Variants in ABCB10 observed in about 807,000 individuals in gnomAD.
The protein encoded by ABCB10 is ATP binding cassette subfamily B member 10.
In ABCB10, 54 loss-of-function variants were observed where a neutral mutation model predicts 65.4. The ratio of observed to expected loss-of-function variants is 0.83; its 90% CI spans 0.66 to 1.04. The LOEUF (loss-of-function observed/expected upper bound fraction) is 1.04. Ranked by LOEUF, ABCB10 falls within the 50% of genes least tolerant of loss-of-function variation. The pLI, the probability that ABCB10 is intolerant of heterozygous loss-of-function variation, is 0.00. For synonymous variants in ABCB10, 418 were observed against 406.5 expected (o/e 1.03, Z -0.34); for missense variants, 846 against 976.6 (o/e 0.87, Z 1.78).
chr1:229,533,804 A>G (rs1009999856), intron 6 of ABCB10, among the ~76,000 whole-genome samples: 1 of 152,228 alleles, frequency 6.6e-6, no homozygotes, highest in Admixed American at 6.5e-5. Context: ...TTACAGACCT[A>G]ATGTAAAACA....
intron 3 of ABCB10, among the ~76,000 whole-genome samples, chr1:229,543,425 C>G (rs1294823521): frequency 6.6e-6 from 1 of 152,204 alleles, no homozygotes; most frequent in Non-Finnish European, 1.5e-5. Context: ...TCTACCATAT[C>G]TCATTTGCAC....
intron 8 of ABCB10, among the ~76,000 whole-genome samples, chr1:229,527,703 C>T (rs10495288): frequency 0.045 from 6,847 of 152,280 alleles, 234 homozygotes; most frequent in Middle Eastern, 0.068. Context: ...GGCACGAATA[C>T]TGGCAGAGGT....
At chr1:229,531,131 T>C (rs942963226) in intron 7 of ABCB10, among the ~76,000 whole-genome samples, 4 of 152,114 alleles carry the variant, frequency 2.6e-5, no homozygotes, top group African/African-American at 9.7e-5. Flanking sequence ...GCCCTACAGC[T>C]CCAGGGAAGT....
chr1:229,525,379 G>GA (rs557328857), intron 10 of ABCB10, among the ~76,000 whole-genome samples: 2 of 151,918 alleles, frequency 1.3e-5, no homozygotes, highest in Admixed American at 6.6e-5. Context: ...TTTTTCAGAT[G>GA]AAAAAAAGCT....
chr1:229,549,189 ATCT>A, intron 2 of ABCB10, 42 bp downstream of exon 2: 3 of 1,607,832 alleles, frequency 1.9e-6, no homozygotes, highest in African/African-American at 2.7e-5. Flanking sequence ...AGGACTCTAC[ATCT>A]TCTTCAGGAT....
intron 6 of ABCB10, among the ~76,000 whole-genome samples, chr1:229,533,665 A>G (rs1347141205): frequency 6.6e-6 from 1 of 152,360 alleles, no homozygotes; most frequent in South Asian, 2.1e-4. Context: ...ACGCAATACA[A>G]TGGAGATGCA....
rs1662204425 is a variant in ABCB10 at position 229,517,572 on chromosome 1, T to C, written c.*607A>G. On this transcript the variant is annotated 3_prime_UTR_variant, in exon 13 of 13. Coordinates refer to ENST00000344517, the MANE Select transcript of ABCB10 (RefSeq NM_012089.3). ...GTTGAAAACTGCACATATTCAAACA[T>C]AGTTCCCATAGGAACACATATTCCT... 1.3e-5 allele frequency: 2 copies of C among 152,274 alleles called. No homozygotes were observed. The highest frequency in any genetic ancestry group is 2.9e-5 in the Non-Finnish European group (2 of 68,062). 9.4% of individuals were successfully genotyped at this position (152,274 alleles called of 1,614,324 possible). A position where few individuals can be genotyped will look rare whatever the true frequency, so the allele number is the denominator to read the frequency against.
Position 229,518,133 on chromosome 1 carries a change from A to G in ABCB10, c.*46T>C, listed in dbSNP as rs760380037. 2.1e-6 allele frequency: 3 copies of G among 1,426,106 alleles called. No homozygotes were observed. The highest frequency in any genetic ancestry group is 9.8e-7 in the Non-Finnish European group (1 of 1,018,874). The allele number at this position is 1,426,106 out of a possible 1,614,324, so 88.3% of individuals were successfully genotyped here. A position where few individuals can be genotyped will look rare whatever the true frequency, so the allele number is the denominator to read the frequency against. On this transcript the variant is annotated 3_prime_UTR_variant, in exon 13 of 13. Coordinates refer to ENST00000344517, the MANE Select transcript of ABCB10 (RefSeq NM_012089.3). ...AGTCTCTGAGTTTTTTTTCTGCAAC[A>G]CTGTTTTGCATTAAAGTCTCATATT...
intron 3 of ABCB10, among the ~76,000 whole-genome samples, chr1:229,544,291 C>T (rs541218263): frequency 6.6e-6 from 1 of 152,096 alleles, no homozygotes; most frequent in South Asian, 2.1e-4. Flanking sequence ...GTGGCGCACG[C>T]CTGTGGTTCC....
At chr1:229,532,794 T>C (rs1042146459) in intron 6 of ABCB10, among the ~76,000 whole-genome samples, 4 of 151,952 alleles carry the variant, frequency 2.6e-5, no homozygotes, top group African/African-American at 7.3e-5. Context: ...GGCAGGAGGA[T>C]TGCTTGAGTC....
intron 1 of ABCB10, among the ~76,000 whole-genome samples, chr1:229,550,399 C>T (rs1663078235): frequency 6.6e-6 from 1 of 151,834 alleles, no homozygotes; most frequent in Admixed American, 6.6e-5. Flanking sequence ...GTAGCATGCA[C>T]CTGTAGTCCC....
At chr1:229,554,251 C>G (rs539833127) in intron 1 of ABCB10, among the ~76,000 whole-genome samples, 1 of 152,162 alleles carries the variant, frequency 6.6e-6, no homozygotes, top group East Asian at 1.9e-4. Flanking sequence ...AGGACATGAG[C>G]GGCTGACAGA....
In ABCB10 at chr1:229,517,960, A is replaced by G; in HGVS notation, c.*219T>C. ...AAATACAAAACCTGAAAATAACTTC[A>G]GTGCTATAGACATTTAAAAAGTTAC... is the stretch of plus-strand genomic sequence containing the variant. On this transcript the variant is annotated 3_prime_UTR_variant, in exon 13 of 13. Coordinates refer to ENST00000344517, the MANE Select transcript of ABCB10 (RefSeq NM_012089.3). 4 of 463,838 alleles carry G rather than the reference A, an allele frequency of 8.6e-6. No homozygotes were observed. Among genetic ancestry groups the G allele is most frequent in the Non-Finnish European group, 1.5e-5 (4 of 263,618 alleles). The allele number at this position is 463,838 out of a possible 1,614,324, so 28.7% of individuals were successfully genotyped here. A position where few individuals can be genotyped will look rare whatever the true frequency, so the allele number is the denominator to read the frequency against.
At chr1:229,544,016 G>T (rs1413162115) in intron 3 of ABCB10, among the ~76,000 whole-genome samples, 1 of 152,180 alleles carries the variant, frequency 6.6e-6, no homozygotes, top group Non-Finnish European at 1.5e-5. Context: ...GATTCTCCTA[G>T]AACTGTCCAG....
chr1:229,540,930 T>C (rs1342388091), intron 4 of ABCB10, among the ~76,000 whole-genome samples, 178 bp from the exon 5 acceptor site: 1 of 152,208 alleles, frequency 6.6e-6, no homozygotes, highest in Non-Finnish European at 1.5e-5. Flanking sequence ...CCACTCTTGA[T>C]ACATGACTAA....
chr1:229,524,192 ACTCT>A (rs1381817338), intron 10 of ABCB10, among the ~76,000 whole-genome samples: 1 of 151,132 alleles, frequency 6.6e-6, no homozygotes, highest in Non-Finnish European at 1.5e-5. Context: ...AGGCTCACTC[ACTCT>A]GTCATTAAGG....
At chr1:229,521,896 T>A (rs1362473751) in intron 10 of ABCB10, among the ~76,000 whole-genome samples, 1 of 152,222 alleles carries the variant, frequency 6.6e-6, no homozygotes, top group African/African-American at 2.4e-5. Context: ...AGACAGGGCC[T>A]CACTCTGTCA....
At chr1:229,530,457 C>T in intron 7 of ABCB10, 49 bp from the exon 8 acceptor site, 5 of 1,598,094 alleles carry the variant, frequency 3.1e-6, no homozygotes, top group Non-Finnish European at 4.3e-6. Context: ...AAATTAAACT[C>T]AAAAGCTGAA....
At chr1:229,555,295 C>T (rs1314825874) in intron 1 of ABCB10, among the ~76,000 whole-genome samples, 2 of 152,232 alleles carry the variant, frequency 1.3e-5, no homozygotes, top group Non-Finnish European at 2.9e-5. Flanking sequence ...TCGCTTATCC[C>T]ATCAATCCAC....
Sources: gnomAD v4.1 joint callset for allele counts (sites outside exome capture counted in the v4.1 genomes callset) on GRCh38, gnomAD v4.1.1 for gene constraint, MANE v1.5 for transcripts, NCBI Gene and HGNC (gene_info 2026-07-23, HGNC 2026-07-21) for gene names.